STIMATE: variants seen among roughly 807,000 people sequenced by gnomAD.
STIMATE encodes the protein store-operated calcium entry regulator STIMATE.
Under a neutral mutation model 36.7 loss-of-function variants are expected in STIMATE, and 15 were observed. The observed-to-expected ratio is 0.41, with a 90% confidence interval of 0.27 to 0.63. The LOEUF (loss-of-function observed/expected upper bound fraction) is 0.63. STIMATE is among the 20% of genes least tolerant of loss of function. STIMATE has a pLI of 0.32. For missense variants in STIMATE, 305 were observed against 397.3 expected (o/e 0.77, Z 1.98); for synonymous variants, 163 against 162.3 (o/e 1.00, Z -0.03).
At chr3:52,892,863 G>A (rs545112828) in intron 1 of STIMATE, among the ~76,000 whole-genome samples, 32 of 152,214 alleles carry the variant, frequency 2.1e-4, no homozygotes, top group Non-Finnish European at 3.8e-4. Flanking sequence ...ATACAGCGCC[G>A]CTTATGGCGT....
intron 7 of STIMATE, 24 bp from the exon 8 acceptor site, chr3:52,840,634 C>A: frequency 6.2e-7 from 1 of 1,605,006 alleles, no homozygotes; most frequent in South Asian, 1.1e-5. Context: ...GAGGCAGGGC[C>A]TGAGTCACCC....
At chr3:52,870,015 T>C (rs936126351) in intron 1 of STIMATE, among the ~76,000 whole-genome samples, 5 of 152,234 alleles carry the variant, frequency 3.3e-5, no homozygotes, top group Non-Finnish European at 1.5e-5. Context: ...AAGCAGCAGC[T>C]AGAGGAACTG....
At chr3:52,882,738 A>T (rs1039537131) in intron 1 of STIMATE, among the ~76,000 whole-genome samples, 3 of 152,186 alleles carry the variant, frequency 2.0e-5, no homozygotes, top group Non-Finnish European at 4.4e-5. Flanking sequence ...TCCCCCAAAC[A>T]AGGGGTATCC....
At chr3:52,863,216 A>C (rs529357910) in intron 1 of STIMATE, among the ~76,000 whole-genome samples, 1 of 152,330 alleles carries the variant, frequency 6.6e-6, no homozygotes, top group Admixed American at 6.5e-5. Context: ...ATAAAGACAT[A>C]CCCGAGACTG....
intron 1 of STIMATE, among the ~76,000 whole-genome samples, chr3:52,872,894 G>A (rs1426156463): frequency 6.6e-6 from 1 of 152,174 alleles, no homozygotes. Context: ...CCAAAGTGTT[G>A]GGACTACAGG....
At chr3:52,866,735 G>A (rs1166572123) in intron 1 of STIMATE, among the ~76,000 whole-genome samples, 1 of 152,198 alleles carries the variant, frequency 6.6e-6, no homozygotes, top group Admixed American at 6.5e-5. Flanking sequence ...GGCGCTCCAC[G>A]TGGACCCACT....
intron 1 of STIMATE, among the ~76,000 whole-genome samples, chr3:52,879,416 T>A (rs940158733): frequency 2.6e-5 from 4 of 152,196 alleles, no homozygotes; most frequent in Admixed American, 6.5e-5. Flanking sequence ...CAGAGTAGTC[T>A]GATGGATACT....
At chr3:52,849,082 ACAG>A (rs975575484) in intron 4 of STIMATE, among the ~76,000 whole-genome samples, 2 of 152,202 alleles carry the variant, frequency 1.3e-5, no homozygotes, top group Admixed American at 1.3e-4. Flanking sequence ...CATGACCAGG[ACAG>A]GAGAGTGGGG....
chr3:52,846,096 G>A (rs1700894387), intron 4 of STIMATE, among the ~76,000 whole-genome samples: 1 of 152,222 alleles, frequency 6.6e-6, no homozygotes, highest in Non-Finnish European at 1.5e-5. Context: ...GCCCAAGCCT[G>A]TCAGCTGTAC....
chr3:52,849,857 C>A lies in STIMATE; in HGVS notation c.362G>T (p.Gly121Val). The change falls in exon 4 of 8, where the codon GGG (glycine) becomes GTG (valine). Residue 121 changes from glycine to valine, a missense_variant. Physicochemically the swap from Gly to Val is moderately radical, Grantham distance 109. This residue lies in a region of STIMATE where 164 missense variants were observed against 257.9 expected (regional missense o/e 0.64). Transcript: ENST00000355083. ...TACCAGGACGCTGACGGCGCGCACC[C>A]CCACGTAGATGAGCAGCATGCCCAC... ...ATVGMLLIYV[G>V]VRAVSVLVEW... 2 of 1,613,776 alleles carry A rather than the reference C, an allele frequency of 1.2e-6. No individual in the cohort carries two copies. Among genetic ancestry groups the A allele is most frequent in the Non-Finnish European group, 1.7e-6 (2 of 1,179,978 alleles).
At chr3:52,848,444 C>G (rs1700943899) in intron 4 of STIMATE, 1 of 152,206 alleles carries the variant, frequency 6.6e-6, no homozygotes, top group Non-Finnish European at 1.5e-5. Flanking sequence ...CCGAACCAGA[C>G]CTGATCTTCA....
At chr3:52,866,221 C>T (rs529983584) in intron 1 of STIMATE, among the ~76,000 whole-genome samples, 2 of 152,242 alleles carry the variant, frequency 1.3e-5, no homozygotes, top group Admixed American at 6.5e-5. Flanking sequence ...GCACGAGTAC[C>T]CATTCCCACA....
chr3:52,876,036 C>T (rs1024108043), intron 1 of STIMATE, among the ~76,000 whole-genome samples: 1 of 152,244 alleles, frequency 6.6e-6, no homozygotes, highest in African/African-American at 2.4e-5. Context: ...AGCCAGTATG[C>T]ATTCAACTGA....
chr3:52,865,998 G>C (rs1392858785), intron 1 of STIMATE, among the ~76,000 whole-genome samples: 1 of 152,088 alleles, frequency 6.6e-6, no homozygotes, highest in Non-Finnish European at 1.5e-5. Context: ...TTCATTAGAG[G>C]CTACATGGCA....
intron 1 of STIMATE, among the ~76,000 whole-genome samples, chr3:52,862,569 AAG>A (rs1398990723): frequency 6.6e-6 from 1 of 152,214 alleles, no homozygotes; most frequent in Non-Finnish European, 1.5e-5. Context: ...ATAAAATTCA[AAG>A]AGTATATTAT....
At chr3:52,893,854 G>A (rs1235455588) in intron 1 of STIMATE, among the ~76,000 whole-genome samples, 1 of 152,198 alleles carries the variant, frequency 6.6e-6, no homozygotes, top group African/African-American at 2.4e-5. Context: ...CCCTGACTGT[G>A]CACGGTGAGG....
chr3:52,851,137 G>C (rs1006955904), intron 3 of STIMATE, among the ~76,000 whole-genome samples: 7 of 152,210 alleles, frequency 4.6e-5, no homozygotes, highest in African/African-American at 1.7e-4. Context: ...TTCTTGTACG[G>C]TCTGTTTCCA....
intron 4 of STIMATE, among the ~76,000 whole-genome samples, chr3:52,846,787 C>T (rs377198546): frequency 1.3e-4 from 20 of 152,344 alleles, no homozygotes; most frequent in African/African-American, 4.6e-4. Context: ...GAGAAGCACA[C>T]GTGGCTGCTG....
At chr3:52,848,068 A>T (rs1258033992) in intron 4 of STIMATE, 1 of 152,794 alleles carries the variant, frequency 6.5e-6, no homozygotes, top group Admixed American at 6.5e-5. Context: ...TCTGAACAAA[A>T]AAAGATAATC....
Sources: allele counts gnomAD v4.1 joint callset (sites outside exome capture counted in the v4.1 genomes callset), GRCh38; gene constraint gnomAD v4.1.1; regional missense constraint gnomAD v4.1.1; transcripts MANE v1.5; gene names NCBI Gene and HGNC (gene_info 2026-07-23, HGNC 2026-07-21).